The following CSMD2 variants were observed in gnomAD, a reference collection of about 807,000 sequenced individuals.
CSMD2 encodes CUB and sushi domain-containing protein 2.
CSMD2 carries 130 observed loss-of-function variants against 398.5 expected under a neutral mutation model. That is an observed-to-expected ratio of 0.33 (90% CI 0.28 to 0.38). The LOEUF (loss-of-function observed/expected upper bound fraction) is 0.38. Among genes scored for constraint, CSMD2 ranks in the 10% least tolerant of loss-of-function variants. The probability of loss-of-function intolerance (pLI) is 1.00; values close to 1 mark genes in which losing one functional copy is unlikely to be tolerated. For synonymous variants in CSMD2, 1,828 were observed against 1,908.5 expected (o/e 0.96, Z 1.10); for missense variants, 3,829 against 4,764.9 (o/e 0.80, Z 5.78).
rs1258343177 is a variant in CSMD2, at chr1:34,163,243, G to A, written c.187+1668C>T. 6.6e-6 allele frequency among the ~76,000 whole-genome samples: 1 copy of A among 152,224 alleles called. No individual in the cohort carries two copies. Among genetic ancestry groups the A allele is most frequent in the East Asian group, 1.9e-4 (1 of 5,194 alleles). ...GGGAGGTAGCAGCGATTCCCCCACC[G>A]CCCATGTGGCAAGTCTGGGTGACCA... On this transcript the variant is annotated intron_variant, in intron 1 of 70. Coordinates refer to ENST00000373381, the MANE Select transcript of CSMD2 (RefSeq NM_001281956.2). The surrounding 1 kb of genome is among the most constrained non-coding windows in gnomAD (Gnocchi z 5.4).
chr1:34,075,082 C>G (rs917623451), intron 2 of CSMD2, among the ~76,000 whole-genome samples: 2 of 152,254 alleles, frequency 1.3e-5, no homozygotes, highest in Non-Finnish European at 2.9e-5. Flanking sequence ...CCTGGCATTC[C>G]TGTTAGGCAT....
chr1:33,683,991 G>T (rs1375938412), intron 25 of CSMD2, among the ~76,000 whole-genome samples: 2 of 152,232 alleles, frequency 1.3e-5, no homozygotes, highest in Non-Finnish European at 2.9e-5. Flanking sequence ...CCTGGCAAGA[G>T]CTGTGAATGC....
chr1:33,890,846 C>T (rs1452906314), intron 5 of CSMD2, among the ~76,000 whole-genome samples: 9 of 152,026 alleles, frequency 5.9e-5, no homozygotes, highest in African/African-American at 1.7e-4. Flanking sequence ...TAGCCATATG[C>T]AGAAAGCTGA....
intron 44 of CSMD2, chr1:33,600,261 G>T (rs1043308382): frequency 2.9e-6 from 2 of 685,502 alleles, no homozygotes; most frequent in Non-Finnish European, 5.4e-6. Context: ...GCAAATATGT[G>T]CATCATTCCA....
rs1353395396 is a variant in CSMD2, at chr1:33,625,134, G to A, written c.5417C>T (p.Ala1806Val). 1.1e-5 allele frequency: 17 copies of A among 1,613,968 alleles called. No homozygotes were observed. Among genetic ancestry groups the A allele is most frequent in the Non-Finnish European group, 1.2e-5 (14 of 1,180,000 alleles). Reference protein sequence around the residue: ...IVRFECNSGYALQGSPEIECL... With the variant: ...IVRFECNSGYVLQGSPEIECL... ...CTCGATCTCTGGCGACCCCTGCAGG[G>A]CATAGCCGGAGTTGCATTCGAAGCG... Residue 1806 changes from alanine (A) to valine (V), a missense_variant, in exon 34 of 71, where the codon GCC becomes GTC. Around this residue, in one of 5 missense-constraint regions of CSMD2, gnomAD observed 2,001 missense variants for 2,567.1 expected, o/e 0.78. Coordinates refer to ENST00000373381, the MANE Select transcript of CSMD2 (RefSeq NM_001281956.2).
intron 5 of CSMD2, among the ~76,000 whole-genome samples, chr1:33,901,750 T>C (rs960010610): frequency 3.9e-5 from 6 of 152,308 alleles, no homozygotes; most frequent in Non-Finnish European, 8.8e-5. Context: ...AGGAAAAATA[T>C]TTGTGAAATA....
intron 65 of CSMD2, among the ~76,000 whole-genome samples, chr1:33,526,615 G>A (rs746000316): frequency 3.8e-4 from 58 of 152,200 alleles, no homozygotes; most frequent in Non-Finnish European, 6.2e-4. Flanking sequence ...AAGCTCATTC[G>A]TCCAAGGACA....
At chr1:33,532,931 GC>G in intron 64 of CSMD2, 118 bp downstream of exon 64, 1 of 965,136 alleles carries the variant, frequency 1.0e-6, no homozygotes, top group Non-Finnish European at 1.5e-6. Context: ...AAAATCAGAA[GC>G]GGGATCCAGC....
At chr1:34,064,990 C>A (rs1654950565) in intron 2 of CSMD2, among the ~76,000 whole-genome samples, 1 of 152,148 alleles carries the variant, frequency 6.6e-6, no homozygotes, top group East Asian at 1.9e-4. Flanking sequence ...ATAAGGGAAA[C>A]CACCCCTATG....
At chr1:33,597,905 A>C (rs368796963) in intron 44 of CSMD2, among the ~76,000 whole-genome samples, 1 of 152,276 alleles carries the variant, frequency 6.6e-6, no homozygotes, top group East Asian at 1.9e-4. Flanking sequence ...AAATGAGTTA[A>C]GTGCAGTCAC....
chr1:33,546,393 A>G (rs1158690726), intron 56 of CSMD2, among the ~76,000 whole-genome samples, 174 bp from the exon 57 acceptor site: 1 of 152,218 alleles, frequency 6.6e-6, no homozygotes, highest in East Asian at 1.9e-4. Context: ...GTGGAAGAAC[A>G]CAAAGATCTG....
rs1653538409 is a variant in CSMD2, at chr1:33,514,023, A to G, written c.*2601T>C. The G allele has an allele frequency of 6.6e-6, 1 of 152,624 alleles. No individual in the cohort carries two copies. Among genetic ancestry groups the G allele is most frequent in the Admixed American group, 6.5e-5 (1 of 15,280 alleles). 9.5% of individuals were successfully genotyped at this position (152,624 alleles called of 1,614,324 possible). ...TGTAAGAAAACCAATGCAAAAATTTATATTTTATTTGAATTCAAAAAATTT... is the reference window on the plus strand; with the variant it reads ...TGTAAGAAAACCAATGCAAAAATTTGTATTTTATTTGAATTCAAAAAATTT... On this transcript the variant is annotated 3_prime_UTR_variant, in exon 71 of 71. Transcript: ENST00000373381.
chr1:33,852,310 C>T (rs1343261263), intron 5 of CSMD2, among the ~76,000 whole-genome samples: 1 of 152,218 alleles, frequency 6.6e-6, no homozygotes, highest in Non-Finnish European at 1.5e-5. Flanking sequence ...CAAATCCCTG[C>T]ATTGCTGGAA....
chr1:33,542,697 A>G (rs1000418), intron 58 of CSMD2, 23 bp downstream of exon 58: 353,083 of 1,597,224 alleles, frequency 0.22, 40,789 homozygotes, highest in East Asian at 0.36. Context: ...TGGCCATGGA[A>G]CCCGTAGGGC....
chr1:33,892,636 G>A (rs923703564), intron 5 of CSMD2, among the ~76,000 whole-genome samples: 1 of 152,184 alleles, frequency 6.6e-6, no homozygotes, highest in African/African-American at 2.4e-5. Flanking sequence ...CCAAGTTGCT[G>A]CAAAAGACAC....
intron 10 of CSMD2, among the ~76,000 whole-genome samples, chr1:33,794,641 C>T (rs1375530222): frequency 2.6e-5 from 4 of 152,230 alleles, no homozygotes; most frequent in South Asian, 4.2e-4. Context: ...CTAAAGTCAA[C>T]GGGGAGTTAT....
rs564830978 is a variant in CSMD2 at position 34,109,518 on chromosome 1, A to C, written c.188-20325T>G. Among the ~76,000 whole-genome samples, 35 of 152,286 alleles carry C rather than the reference A, an allele frequency of 2.3e-4. 2 individuals are homozygous for C. In the South Asian group the frequency reaches 7.3e-3, roughly 32 times the overall value. On this transcript the variant is annotated intron_variant, in intron 1 of 70. Transcript: ENST00000373381. Reference sequence around the variant, plus strand: ...GCCTACGTTGTCCCCCAGAGTTTTTACAGTTTTTGGTTTTACATTTAAGTC... The same window carrying C: ...GCCTACGTTGTCCCCCAGAGTTTTTCCAGTTTTTGGTTTTACATTTAAGTC...
At chr1:34,022,044 T>C (rs535478135) in intron 3 of CSMD2, among the ~76,000 whole-genome samples, 1 of 152,284 alleles carries the variant, frequency 6.6e-6, no homozygotes, top group East Asian at 1.9e-4. Context: ...GTCAAAGAAA[T>C]ATGGTATCAG....
chr1:33,916,715 A>C (rs567092230), intron 5 of CSMD2, among the ~76,000 whole-genome samples: 1 of 152,130 alleles, frequency 6.6e-6, no homozygotes, highest in Non-Finnish European at 1.5e-5. Context: ...GCTAGTTCCC[A>C]AATCTGAGCC....
Sources: allele counts gnomAD v4.1 joint callset (sites outside exome capture counted in the v4.1 genomes callset), GRCh38; gene constraint gnomAD v4.1.1; regional missense constraint gnomAD v4.1.1; non-coding constraint Gnocchi (gnomAD v3.1); transcripts MANE v1.5; gene names NCBI Gene and HGNC (gene_info 2026-07-23, HGNC 2026-07-21).